Variants in SETD1B observed in about 807,000 individuals in gnomAD.
SETD1B encodes the protein histone-lysine N-methyltransferase SETD1B.
SETD1B carries 7 observed loss-of-function variants against 148.0 expected under a neutral mutation model. The ratio of observed to expected loss-of-function variants is 0.05; its 90% CI spans 0.03 to 0.09. The LOEUF is 0.09. Among genes scored for constraint, SETD1B ranks in the 10% least tolerant of loss-of-function variants. The pLI, the probability that SETD1B is intolerant of heterozygous loss-of-function variation, is 1.00. For missense variants in SETD1B, 2,155 were observed against 2,729.9 expected (o/e 0.79, Z 4.69); for synonymous variants, 1,361 against 1,186.5 (o/e 1.15, Z -3.02).
chr12:121,824,979 C>CAA lies in SETD1B; in HGVS notation c.5171-201_5171-200dup, dbSNP rs780514725. On this transcript the variant is annotated intron_variant, in intron 12 of 16. Coordinates refer to ENST00000604567, the MANE Select transcript of SETD1B (RefSeq NM_001353345.2). ...GCCTGGGCAACAGGAGACCCTGTCT[C>CAA]AAAAAAAAAAAAAAAAAAAAAGACA... is the stretch of plus-strand genomic sequence containing the variant. 1.0e-2 allele frequency among the ~76,000 whole-genome samples: 568 copies of CAA among 56,958 alleles called. 9 individuals carry two copies. The highest frequency in any genetic ancestry group is 0.029 in the African/African-American group (487 of 17,038). The allele number at this position is 56,958 out of a possible 152,430, so 37.4% of individuals were successfully genotyped here.
At chr12:121,791,971 G>A in the SETD1B span, among the ~76,000 whole-genome samples, 1 of 152,248 alleles carries the variant, frequency 6.6e-6, no homozygotes, top group African/African-American at 2.4e-5. Context: ...GAATTCCTCT[G>A]ATGCCTCAGC....
intron 10 of SETD1B, among the ~76,000 whole-genome samples, chr12:121,818,800 G>A (rs1473321186): frequency 6.6e-6 from 1 of 151,072 alleles, no homozygotes; most frequent in East Asian, 1.9e-4. Flanking sequence ...TGAGGCAGGA[G>A]AATGGCGTGA....
Position 121,804,645 on chromosome 12 carries a change from A to G in SETD1B, c.-14-79A>G, listed in dbSNP as rs1302569220. 6.2e-6 allele frequency: 8 copies of G among 1,292,936 alleles called. 1 individual carries two copies. The highest frequency in any genetic ancestry group is 2.6e-5 in the East Asian group (1 of 38,662). The allele number at this position is 1,292,936 out of a possible 1,614,324, so 80.1% of individuals were successfully genotyped here. A position where few individuals can be genotyped will look rare whatever the true frequency, so the allele number is the denominator to read the frequency against. On this transcript the variant is annotated intron_variant, in intron 1 of 16. Coordinates refer to ENST00000604567, the MANE Select transcript of SETD1B (RefSeq NM_001353345.2). This position sits in a 1 kb window ranked among gnomAD's most constrained non-coding sequence, Gnocchi z 4.6. ...GGTGGGAGGGGGTGGGGGCCTGCCG[A>G]TTGGATTCTTTCGCGTGTGTGTAGA...
chr12:121,802,446 T>G (rs965011013), upstream of SETD1B: 4 of 152,202 alleles, frequency 2.6e-5, no homozygotes, highest in African/African-American at 9.7e-5. Context: ...CTATATACAT[T>G]TAAAACATTA....
chr12:121,817,134 C>T lies in SETD1B; in HGVS notation c.2817C>T (p.Gly939=), dbSNP rs151217970. The change falls in exon 8 of 17, where the codon GGC becomes GGT. Residue 939 remains glycine (G), a synonymous_variant. Coordinates refer to ENST00000604567, the MANE Select transcript of SETD1B (RefSeq NM_001353345.2). This position sits in a 1 kb window ranked among gnomAD's most constrained non-coding sequence, Gnocchi z 8.1. The part of the protein sequence containing the change: ...ASCLLESWGK[G]EGLGYEGLGL... Reference sequence around the variant, plus strand: ...GCCTGCTGGAGTCATGGGGCAAGGGCGAGGGCCTGGGCTACGAGGGCCTGG... The same window carrying T: ...GCCTGCTGGAGTCATGGGGCAAGGGTGAGGGCCTGGGCTACGAGGGCCTGG... 726 of 1,548,664 alleles carry T rather than the reference C, an allele frequency of 4.7e-4. 2 individuals are homozygous for T. In the African/African-American group the frequency reaches 7.5e-3, roughly 16 times the overall value.
intron 7 of SETD1B, among the ~76,000 whole-genome samples, chr12:121,816,430 A>G (rs1431229926): frequency 6.6e-6 from 1 of 152,220 alleles, no homozygotes; most frequent in African/African-American, 2.4e-5. Flanking sequence ...GAAATCACTG[A>G]TACACAGCTC....
intron 4 of SETD1B, among the ~76,000 whole-genome samples, chr12:121,807,208 C>A (rs1394426214): frequency 6.6e-6 from 1 of 152,048 alleles, no homozygotes; most frequent in Non-Finnish European, 1.5e-5. Flanking sequence ...ACTTGCCGAG[C>A]CTGTGCCCGG....
chr12:121,795,978 A>AC, the SETD1B span: 5 of 114,130 alleles, frequency 4.4e-5, no homozygotes, highest in East Asian at 1.4e-3. Flanking sequence ...CTGCCCACCC[A>AC]CCCCTGCTGG....
intron 12 of SETD1B, 48 bp from the exon 13 acceptor site, chr12:121,825,152 C>A: frequency 6.5e-7 from 1 of 1,538,082 alleles, no homozygotes; most frequent in South Asian, 1.2e-5. Context: ...TATGAAGGGA[C>A]CAGAAGGGGC....
chr12:121,826,129 T>C lies in SETD1B; in HGVS notation c.5337+763T>C, dbSNP rs1363086651. On this transcript the variant is annotated intron_variant, in intron 13 of 16. Coordinates refer to ENST00000604567, the MANE Select transcript of SETD1B (RefSeq NM_001353345.2). ...TCTCACTCTGTAGCCCAAGCTGATC[T>C]GGAACTCCTGGGCTCAAGCGATCCT... Among the ~76,000 whole-genome samples the C allele has an allele frequency of 3.9e-5, 6 of 152,170 alleles. No homozygotes were observed. The South Asian group carries it at 8.3e-4, about 21-fold the overall frequency.
In SETD1B at chr12:121,805,031, G is replaced by C; in HGVS notation, c.175-87G>C. ...ACTGTCAGACGGGGCCCCAGCCCTG[G>C]AGTTTGACAAGTGCCTCGAGAAAGG... On this transcript the variant is annotated intron_variant, in intron 2 of 16. Transcript: ENST00000604567. The surrounding 1 kb of genome is among the most constrained non-coding windows in gnomAD (Gnocchi z 4.2). 1 of 1,484,364 alleles carries C rather than the reference G, an allele frequency of 6.7e-7. No individual in the cohort carries two copies. The highest frequency in any genetic ancestry group is 1.8e-4 in the Middle Eastern group (1 of 5,644). The allele number at this position is 1,484,364 out of a possible 1,614,324, so 91.9% of individuals were successfully genotyped here.
chr12:121,793,403 C>T, the SETD1B span: 2 of 1,497,218 alleles, frequency 1.3e-6, no homozygotes, highest in East Asian at 2.5e-5. Flanking sequence ...GCCGCCTGTC[C>T]GTGCTCGGGA....
chr12:121,799,244 G>C (rs938836849), upstream of SETD1B: 1 of 152,262 alleles, frequency 6.6e-6, no homozygotes, highest in Admixed American at 6.5e-5. Context: ...TCAATGGCTC[G>C]CCAGGTTTCA....
chr12:121,800,824 C>T (rs1321869265), upstream of SETD1B: 2 of 151,008 alleles, frequency 1.3e-5, no homozygotes, highest in Non-Finnish European at 3.0e-5. Flanking sequence ...CAGCGCTGCG[C>T]CCCGCGGGCT....
intron 16 of SETD1B, among the ~76,000 whole-genome samples, chr12:121,829,730 T>G (rs1002821055): frequency 1.2e-4 from 18 of 152,196 alleles, no homozygotes; most frequent in Non-Finnish European, 2.6e-4. Context: ...AAACTTTATT[T>G]ACAAAAACAG....
At chr12:121,796,362 CCA>C in the SETD1B span, 3 of 152,970 alleles carry the variant, frequency 2.0e-5, no homozygotes, top group African/African-American at 7.2e-5. Context: ...TCATCGGTGT[CCA>C]CACAGGGGCC....
chr12:121,794,854 A>G, the SETD1B span, among the ~76,000 whole-genome samples: 1 of 152,142 alleles, frequency 6.6e-6, no homozygotes, highest in African/African-American at 2.4e-5. Context: ...CAGCTGGGGT[A>G]GGAAGAGCCC....
chr12:121,815,407 G>A (rs928114751), intron 7 of SETD1B, among the ~76,000 whole-genome samples: 1 of 111,294 alleles, frequency 9.0e-6, no homozygotes, highest in Non-Finnish European at 2.0e-5. Flanking sequence ...TGCCCCCCCC[G>A]CCCATTGCAG....
intron 16 of SETD1B, among the ~76,000 whole-genome samples, chr12:121,829,461 C>T (rs1196235796): frequency 6.6e-6 from 1 of 152,140 alleles, no homozygotes; most frequent in African/African-American, 2.4e-5. Context: ...GCAGCGGCTG[C>T]CCAGAGCAGG....
Sources: gnomAD v4.1 joint callset for allele counts (sites outside exome capture counted in the v4.1 genomes callset) on GRCh38, gnomAD v4.1.1 for gene constraint, Gnocchi (gnomAD v3.1) non-coding constraint, MANE v1.5 for transcripts, NCBI Gene and HGNC (gene_info 2026-07-23, HGNC 2026-07-21) for gene names.